TET2: variants seen among roughly 807,000 people sequenced by gnomAD.
TET2 encodes the protein methylcytosine dioxygenase TET2.
Under a neutral mutation model 142.9 loss-of-function variants are expected in TET2, and 299 were observed. The observed-to-expected ratio is 2.09, with a 90% CI of 1.90 to 2.30. The LOEUF is 2.30. Among genes scored for constraint, TET2 ranks in the 30% most tolerant of loss-of-function variants. TET2 has a pLI of 0.00. For synonymous variants in TET2, 819 were observed against 849.0 expected (o/e 0.96, Z 0.61); for missense variants, 2,418 against 2,378.0 (o/e 1.02, Z -0.35).
At chr4:105,188,713 C>T (rs1179069834) in intron 1 of TET2, among the ~76,000 whole-genome samples, 1 of 151,950 alleles carries the variant, frequency 6.6e-6, no homozygotes, top group Non-Finnish European at 1.5e-5. Context: ...TACAGATGCA[C>T]CTTAAAAACA....
intron 1 of TET2, among the ~76,000 whole-genome samples, chr4:105,148,789 CTG>C (rs1255271886): frequency 6.6e-6 from 1 of 152,042 alleles, no homozygotes; most frequent in Non-Finnish European, 1.5e-5. Context: ...GATAATCAAA[CTG>C]AAGTTTAGAA....
chr4:105,279,225 G>T lies in TET2; in HGVS notation c.*2706G>T, dbSNP rs1043396923. Reference sequence around the variant, plus strand: ...TTTTGATCATCCATTCTTAATATTTGATTTCTGTGTCACCTACTGTCATTT... The same window carrying T: ...TTTTGATCATCCATTCTTAATATTTTATTTCTGTGTCACCTACTGTCATTT... On this transcript the variant is annotated 3_prime_UTR_variant, in exon 11 of 11. Transcript: ENST00000380013. The T allele has an allele frequency of 1.3e-5, 3 of 232,022 alleles. No homozygotes were observed. The highest frequency in any genetic ancestry group is 2.2e-5 in the African/African-American group (1 of 45,258). 14.4% of individuals were successfully genotyped at this position (232,022 alleles called of 1,614,324 possible).
chr4:105,178,087 CA>C (rs35562598), intron 1 of TET2: 31 of 144,834 alleles, frequency 2.1e-4, no homozygotes, highest in East Asian at 1.0e-3. Flanking sequence ...AACTCCATCT[CA>C]AAAAAAAAAG....
Position 105,257,423 on chromosome 4 carries a change from G to A in TET2, c.3804-2196G>A, listed in dbSNP as rs371144690. Among the ~76,000 whole-genome samples the A allele has an allele frequency of 5.3e-4, 81 of 152,142 alleles. 2 individuals are homozygous for A. The South Asian group carries it at 0.013, about 25-fold the overall frequency. On this transcript the variant is annotated intron_variant, in intron 6 of 10. Coordinates refer to ENST00000380013, the MANE Select transcript of TET2 (RefSeq NM_001127208.3). ...GTATTGTTTCTCATAGATAGCCATC[G>A]AAGTCTTTGCTTGGTTAACTTAGAG... is the stretch of plus-strand genomic sequence containing the variant.
intron 2 of TET2, among the ~76,000 whole-genome samples, chr4:105,197,401 ATTG>A (rs1402943278): frequency 1.3e-5 from 2 of 152,216 alleles, no homozygotes; most frequent in African/African-American, 4.8e-5. Flanking sequence ...GAAGTTTATC[ATTG>A]ATTATAGATT....
Position 105,244,586 on chromosome 4 carries a change from GTTTTTT to G in TET2, c.3803+829_3803+834del, listed in dbSNP as rs566674796. Among the ~76,000 whole-genome samples, 6 of 66,734 alleles carry G rather than the reference GTTTTTT, an allele frequency of 9.0e-5. No homozygotes were observed. The South Asian group carries it at 3.5e-3, about 38-fold the overall frequency. 43.8% of individuals were successfully genotyped at this position (66,734 alleles called of 152,430 possible). On this transcript the variant is annotated intron_variant, in intron 6 of 10. Transcript: ENST00000380013. ...AATGTTCACGGTGCTACACAGAAAT[GTTTTTT>G]TTTTTTTTTTTTTTTTTTTTGAGAT...
chr4:105,172,480 T>A (rs1298957038), intron 1 of TET2: 1 of 152,206 alleles, frequency 6.6e-6, no homozygotes, highest in Non-Finnish European at 1.5e-5. Context: ...ACCTTGAGTA[T>A]GCTGAAGAAG....
Position 105,261,794 on chromosome 4 carries a change from C to A in TET2, c.3990C>A (p.Ser1330=), listed in dbSNP as rs565238417. 1.7e-5 allele frequency: 26 copies of A among 1,549,326 alleles called. No homozygotes were observed. In the African/African-American group the frequency reaches 3.4e-4, roughly 20 times the overall value. ...EKLESHLQNL[S]TLMAPTYKKL... ...TGGAGTCTCATTTGCAAAACCTGTC[C>A]ACTCTTATGGCACCAACATATAAGA... The change falls in exon 8 of 11, where the codon TCC becomes TCA. Residue 1330 remains serine (S), a synonymous_variant. Transcript: ENST00000380013.
At position 105,275,042 on chromosome 4, in the gene TET2, C is replaced by G. The variant is rs755875155; in HGVS notation, c.4538-6C>G. The stretch of plus-strand genomic sequence containing the variant: ...CTGTTTCTGTTCTCTCTTACCCTGT[C>G]CACAGAACTTTTGCGACTTTCAGGA... On this transcript the variant is annotated splice_region_variant and splice_polypyrimidine_tract_variant and intron_variant, in intron 10 of 10. Coordinates refer to ENST00000380013, the MANE Select transcript of TET2 (RefSeq NM_001127208.3). The G allele has an allele frequency of 1.3e-6, 2 of 1,519,808 alleles. No individual in the cohort carries two copies. The highest frequency in any genetic ancestry group is 2.1e-5 in the Admixed American group (1 of 46,534). The allele number at this position is 1,519,808 out of a possible 1,614,324, so 94.1% of individuals were successfully genotyped here.
At chr4:105,175,547 T>C (rs1724735215) in intron 1 of TET2, among the ~76,000 whole-genome samples, 1 of 151,554 alleles carries the variant, frequency 6.6e-6, no homozygotes, top group African/African-American at 2.4e-5. Flanking sequence ...AAAAAGACTG[T>C]GAAAAAAACA....
chr4:105,253,042 A>G lies in TET2; in HGVS notation c.3804-6577A>G, dbSNP rs369192047. ...ACTATCTTGTTAACTTAGGCTTTAG[A>G]GTAAGTCTTGCAATCATGTAGTGTC... On this transcript the variant is annotated intron_variant, in intron 6 of 10. Coordinates refer to ENST00000380013, the MANE Select transcript of TET2 (RefSeq NM_001127208.3). 5.9e-5 allele frequency among the ~76,000 whole-genome samples: 9 copies of G among 152,228 alleles called. No individual in the cohort carries two copies. In the East Asian group the frequency reaches 1.3e-3, roughly 23 times the overall value.
intron 1 of TET2, among the ~76,000 whole-genome samples, chr4:105,178,495 C>T (rs1414993904): frequency 3.3e-5 from 5 of 152,086 alleles, no homozygotes; most frequent in Admixed American, 1.3e-4. Context: ...AGTGGTGGAT[C>T]CATGTCATTA....
At chr4:105,195,048 C>T (rs1372230254) in intron 2 of TET2, among the ~76,000 whole-genome samples, 1 of 134,796 alleles carries the variant, frequency 7.4e-6, no homozygotes, top group African/African-American at 2.5e-5. Flanking sequence ...TCACAAATAG[C>T]TGTATAGCAT....
chr4:105,238,959 G>A (rs1729116007), intron 3 of TET2: 1 of 241,838 alleles, frequency 4.1e-6, no homozygotes, highest in African/African-American at 2.2e-5. Context: ...CAGAATCAAT[G>A]TTGTATTAAC....
chr4:105,211,148 C>T (rs1323965235), intron 2 of TET2, among the ~76,000 whole-genome samples: 1 of 152,200 alleles, frequency 6.6e-6, no homozygotes, highest in Non-Finnish European at 1.5e-5. Context: ...TTCCCTCTAG[C>T]TGAATCATTC....
At chr4:105,216,817 A>T (rs1214647243) in intron 2 of TET2, among the ~76,000 whole-genome samples, 3 of 152,128 alleles carry the variant, frequency 2.0e-5, no homozygotes, top group Non-Finnish European at 2.9e-5. Context: ...ACAGATGTAT[A>T]GCTAAGTCTG....
chr4:105,157,434 G>A (rs1723623724), intron 1 of TET2, among the ~76,000 whole-genome samples: 1 of 152,028 alleles, frequency 6.6e-6, no homozygotes, highest in Admixed American at 6.6e-5. Flanking sequence ...CACTGAAATG[G>A]TTTTTTCTCC....
chr4:105,234,846 G>T lies in TET2; in HGVS notation c.904G>T (p.Asp302Tyr). 2 of 1,614,062 alleles carry T rather than the reference G, an allele frequency of 1.2e-6. No individual in the cohort carries two copies. Among genetic ancestry groups the T allele is most frequent in the Non-Finnish European group, 8.5e-7 (1 of 1,180,018 alleles). ...VSEACDADDA[D>Y]NASKLAAMLN... ...TGAGGCCTGTGATGCTGATGATGCT[G>T]ATAATGCCAGTAAACTAGCTGCAAT... Residue 302 changes from aspartate (D) to tyrosine (Y), a missense_variant, in exon 3 of 11, where the codon GAT (aspartate) becomes TAT (tyrosine). Coordinates refer to ENST00000380013, the MANE Select transcript of TET2 (RefSeq NM_001127208.3).
chr4:105,253,311 C>A (rs1219866488), intron 6 of TET2, among the ~76,000 whole-genome samples: 1 of 152,102 alleles, frequency 6.6e-6, no homozygotes, highest in African/African-American at 2.4e-5. Context: ...ATCTTCCTAT[C>A]CATGAACATG....
Sources: allele counts gnomAD v4.1 joint callset (sites outside exome capture counted in the v4.1 genomes callset), GRCh38; gene constraint gnomAD v4.1.1; transcripts MANE v1.5; gene names NCBI Gene and HGNC (gene_info 2026-07-23, HGNC 2026-07-21).